The following IQCE variants were observed in gnomAD, a reference collection of about 807,000 sequenced individuals.
IQCE encodes IQ domain-containing protein E.
A neutral mutation model predicts 96.0 loss-of-function variants in IQCE; 115 were observed. The ratio of observed to expected loss-of-function variants is 1.20; its 90% CI spans 1.03 to 1.40. The LOEUF (loss-of-function observed/expected upper bound fraction) is 1.40. Ranked by LOEUF, IQCE falls within the 40% of genes most tolerant of loss-of-function variation. IQCE has a pLI of 0.00. For synonymous variants in IQCE, 412 were observed against 371.2 expected, an observed-to-expected ratio of 1.11 and a Z score of -1.26; for missense variants, 1,041 against 909.1, an observed-to-expected ratio of 1.15 and a Z score of -1.87.
intron 10 of IQCE, among the ~76,000 whole-genome samples, chr7:2,583,970 G>T (rs950086178): frequency 2.8e-5 from 2 of 72,430 alleles, no homozygotes; most frequent in Non-Finnish European, 5.4e-5. Flanking sequence ...CGGAGGGCGG[G>T]CACCGTGCTG....
intron 2 of IQCE, 97 bp downstream of exon 2, chr7:2,567,260 A>G (rs1269133871): frequency 5.3e-6 from 5 of 945,388 alleles, no homozygotes; most frequent in Non-Finnish European, 8.4e-6. Context: ...TCTCCACAAT[A>G]CTGTGTCGAG....
intron 15 of IQCE, 134 bp downstream of exon 15, chr7:2,593,260 A>C: frequency 7.3e-7 from 1 of 1,365,468 alleles, no homozygotes; most frequent in Non-Finnish European, 9.8e-7. Context: ...ACAGTCTTTC[A>C]TGGTTTTCTG....
In IQCE at chr7:2,607,119, T is replaced by C; in HGVS notation, c.1866-5T>C. 6.3e-7 allele frequency: 1 copy of C among 1,586,962 alleles called. No individual in the cohort carries two copies. The highest frequency in any genetic ancestry group is 8.6e-7 in the Non-Finnish European group (1 of 1,169,068). ...AATCAGCTGGCGTTTTCTGTTTTTT[T>C]CCAGTGCTACCGGTAAAAGAACCAC... is the stretch of plus-strand genomic sequence containing the variant. On this transcript the variant is annotated splice_polypyrimidine_tract_variant and splice_region_variant and intron_variant, in intron 20 of 21. Transcript: ENST00000402050.
intron 1 of IQCE, among the ~76,000 whole-genome samples, chr7:2,565,091 TGTGTGC>T (rs1781261769): frequency 6.8e-6 from 1 of 147,744 alleles, no homozygotes; most frequent in Non-Finnish European, 1.5e-5. Flanking sequence ...TGTGTGCGTG[TGTGTGC>T]GTGTGTGTGT....
intron 8 of IQCE, among the ~76,000 whole-genome samples, chr7:2,581,267 G>A (rs377478464): frequency 1.1e-3 from 173 of 152,066 alleles, no homozygotes; most frequent in African/African-American, 4.1e-3. Context: ...GTGCAGTGGC[G>A]AGATCTCGAC....
intron 1 of IQCE, among the ~76,000 whole-genome samples, chr7:2,564,475 G>A (rs1781213843): frequency 6.6e-6 from 1 of 151,872 alleles, no homozygotes; most frequent in Admixed American, 6.6e-5. Flanking sequence ...GGCGGCACCT[G>A]TAATCCCAGC....
intron 11 of IQCE, among the ~76,000 whole-genome samples, chr7:2,584,946 C>T (rs1180029637): frequency 6.6e-6 from 1 of 152,296 alleles, no homozygotes; most frequent in East Asian, 1.9e-4. Context: ...TAATCACGTC[C>T]GCCTTACAGA....
rs757354301 is a variant in IQCE at position 2,605,901 on chromosome 7, G to GC, written c.1773dup (p.Ile592HisfsTer35). On this transcript the variant is annotated frameshift_variant, in exon 20 of 22. Coordinates refer to ENST00000402050, the MANE Select transcript of IQCE (RefSeq NM_152558.5). LOFTEE classifies it high-confidence loss of function. ...AGCTCTCCTGTGCCCCGCGTTCCGA[G>GC]CCCCATCGCCCAGGCCACGGGCAGC... 108 of 1,606,874 alleles carry GC rather than the reference G, an allele frequency of 6.7e-5. No homozygotes were observed. The highest frequency in any genetic ancestry group is 1.8e-5 in the Non-Finnish European group (21 of 1,177,564).
In IQCE at chr7:2,590,072, C is replaced by G. The variant is rs373076945; in HGVS notation, c.1210C>G (p.Arg404Gly). The G allele has an allele frequency of 1.9e-6, 3 of 1,613,226 alleles. No individual in the cohort carries two copies. The highest frequency in any genetic ancestry group is 1.1e-5 in the South Asian group (1 of 91,066). ...RGAVRDLKEERTALQEQLLQR... is the reference protein window; with the variant it reads ...RGAVRDLKEEGTALQEQLLQR... The stretch of plus-strand genomic sequence containing the variant: ...GGCTGTGAGAGACCTGAAGGAAGAG[C>G]GGACCGCGCTGCAGGAGCAGCTGCT... The change falls in exon 14 of 22, where the codon CGG (arginine) becomes GGG (glycine). Residue 404 changes from arginine to glycine, a missense_variant. By Grantham distance (125) the Arg-to-Gly change is moderately radical. Coordinates refer to ENST00000402050, the MANE Select transcript of IQCE (RefSeq NM_152558.5).
chr7:2,585,662 T>C (rs1783041465), intron 11 of IQCE, among the ~76,000 whole-genome samples: 1 of 152,224 alleles, frequency 6.6e-6, no homozygotes, highest in African/African-American at 2.4e-5. Flanking sequence ...GGTGAGGAGC[T>C]GAGCACCACC....
chr7:2,597,154 G>C, intron 16 of IQCE: 1 of 467,010 alleles, frequency 2.1e-6, no homozygotes, highest in South Asian at 1.6e-5. Context: ...CGGCTGGTTA[G>C]GGCCGGCGGG....
chr7:2,560,256 A>G (rs569872430), intron 1 of IQCE, among the ~76,000 whole-genome samples: 2 of 152,382 alleles, frequency 1.3e-5, no homozygotes, highest in East Asian at 1.9e-4. Context: ...CTCAAAAAAA[A>G]AGAAAGCCCG....
intron 1 of IQCE, among the ~76,000 whole-genome samples, chr7:2,564,677 T>C (rs1427170181): frequency 1.3e-5 from 2 of 152,236 alleles, no homozygotes; most frequent in Admixed American, 1.3e-4. Context: ...AGAATATACT[T>C]TGAATGATTT....
At position 2,611,334 on chromosome 7, in the gene IQCE, G is replaced by A. The variant is rs188651593; in HGVS notation, c.*1172G>A. 2.6e-5 allele frequency: 4 copies of A among 152,434 alleles called. No individual in the cohort carries two copies. Among genetic ancestry groups the A allele is most frequent in the African/African-American group, 9.6e-5 (4 of 41,576 alleles). The allele number at this position is 152,434 out of a possible 1,614,324, so 9.4% of individuals were successfully genotyped here. On this transcript the variant is annotated 3_prime_UTR_variant, in exon 22 of 22. Transcript: ENST00000402050. ...TAGACCCCTGCACAGCCCAGGCCTG[G>A]TGTCTGCATTTCCACAGCACCCCTG...
chr7:2,602,987 G>A lies in IQCE; in HGVS notation c.1632+1523G>A, dbSNP rs552296994. Among the ~76,000 whole-genome samples the A allele has an allele frequency of 3.3e-5, 5 of 152,236 alleles. No homozygotes were observed. In the South Asian group the frequency reaches 1.0e-3, roughly 32 times the overall value. On this transcript the variant is annotated intron_variant, in intron 18 of 21. Transcript: ENST00000402050. ...GCCCCTGAGGAAGGGACCCCTGCTC[G>A]CCACTGCCCTAGTCCTCAGCCTTCG... is the stretch of plus-strand genomic sequence containing the variant.
Position 2,605,966 on chromosome 7 carries a change from C to G in IQCE, c.1834C>G (p.Leu612Val). 1 of 1,610,534 alleles carries G rather than the reference C, an allele frequency of 6.2e-7. No homozygotes were observed. The highest frequency in any genetic ancestry group is 2.2e-5 in the East Asian group (1 of 44,616). Residue 612 changes from leucine (L) to valine (V), a missense_variant, in exon 20 of 22, where the codon CTG (leucine) becomes GTG (valine). Transcript: ENST00000402050. The part of the protein sequence containing the change: ...EEAIVIIQSA[L>V]RAHLARARHS... Reference sequence around the variant, plus strand: ...GGCCATCGTCATCATCCAGTCCGCTCTGCGGGCACACCTGGCCCGGGCCAG... The same window carrying G: ...GGCCATCGTCATCATCCAGTCCGCTGTGCGGGCACACCTGGCCCGGGCCAG...
At chr7:2,562,347 A>T (rs1259742276) in intron 1 of IQCE, among the ~76,000 whole-genome samples, 2 of 151,526 alleles carry the variant, frequency 1.3e-5, no homozygotes, top group African/African-American at 4.9e-5. Flanking sequence ...GATTTTTGCA[A>T]CTGTATTCAT....
intron 17 of IQCE, 87 bp downstream of exon 17, chr7:2,598,719 C>T: frequency 8.1e-7 from 1 of 1,234,226 alleles, no homozygotes; most frequent in Non-Finnish European, 1.1e-6. Context: ...ATGACTGGGC[C>T]TGGAGGGCCA....
chr7:2,589,783 C>G, intron 13 of IQCE, 124 bp from the exon 14 acceptor site: 1 of 903,862 alleles, frequency 1.1e-6, no homozygotes, highest in South Asian at 1.5e-5. Flanking sequence ...CGGGTCCCCT[C>G]AAAGCTTTCT....
Sources: allele counts gnomAD v4.1 joint callset (sites outside exome capture counted in the v4.1 genomes callset), GRCh38; gene constraint gnomAD v4.1.1; transcripts MANE v1.5; gene names NCBI Gene and HGNC (gene_info 2026-07-23, HGNC 2026-07-21).